Variants in ATXN7L1 observed in about 807,000 individuals in gnomAD.
The protein encoded by ATXN7L1 is ataxin-7-like protein 1.
ATXN7L1 carries 15 observed loss-of-function variants against 70.8 expected under a neutral mutation model. The observed-to-expected ratio is 0.21, with a 90% CI of 0.14 to 0.33. The LOEUF is 0.33. Among genes scored for constraint, ATXN7L1 ranks in the 10% least tolerant of loss-of-function variants. ATXN7L1 has a pLI of 1.00. For missense variants in ATXN7L1, 975 were observed against 1,097.1 expected (o/e 0.89, Z 1.57); for synonymous variants, 440 against 445.1 (o/e 0.99, Z 0.14).
At chr7:105,834,006 T>C (rs867351026) in intron 2 of ATXN7L1, among the ~76,000 whole-genome samples, 4 of 152,342 alleles carry the variant, frequency 2.6e-5, no homozygotes, top group Admixed American at 6.5e-5. Flanking sequence ...GAATATTTTA[T>C]GGTATTTTCC....
chr7:105,638,431 C>T lies in ATXN7L1; in HGVS notation c.1124G>A (p.Gly375Glu). The T allele has an allele frequency of 6.4e-7, 1 of 1,552,260 alleles. No homozygotes were observed. The highest frequency in any genetic ancestry group is 8.7e-7 in the Non-Finnish European group (1 of 1,147,138). Residue 375 changes from glycine (G) to glutamate (E), a missense_variant, in exon 7 of 12, where the codon GGG (glycine) becomes GAG (glutamate). Physicochemically the swap from Gly to Glu is moderately conservative, Grantham distance 98. Around this residue, in one of 5 missense-constraint regions of ATXN7L1, gnomAD observed 635 missense variants for 699.4 expected, o/e 0.91. Transcript: ENST00000419735. ...TTCTGGCCCAGAGCTCCCTGAAGAC[C>T]CTAGCAGAGAATCCTGTGCCGGCCC... Reference protein sequence around the residue: ...QSGPAQDSLLGSSGSSGPEPK... With the variant: ...QSGPAQDSLLESSGSSGPEPK...
intron 4 of ATXN7L1, among the ~76,000 whole-genome samples, chr7:105,646,019 A>AG (rs1798963081): frequency 1.3e-5 from 2 of 151,732 alleles, no homozygotes; most frequent in Admixed American, 6.6e-5. Flanking sequence ...AAAAAAAAAA[A>AG]AAGTGTCAGT....
chr7:105,813,624 A>G (rs1808763826), intron 2 of ATXN7L1, among the ~76,000 whole-genome samples: 1 of 152,196 alleles, frequency 6.6e-6, no homozygotes, highest in African/African-American at 2.4e-5. Flanking sequence ...GGCATGAGCC[A>G]CTGTGCTCGG....
chr7:105,847,033 G>A (rs772559805), intron 2 of ATXN7L1, among the ~76,000 whole-genome samples: 3 of 152,232 alleles, frequency 2.0e-5, no homozygotes, highest in Non-Finnish European at 4.4e-5. Context: ...GAATGAGATA[G>A]TGGTGTTGGT....
intron 8 of ATXN7L1, among the ~76,000 whole-genome samples, chr7:105,623,770 T>G (rs531184958): frequency 1.3e-5 from 2 of 152,362 alleles, no homozygotes; most frequent in African/African-American, 4.8e-5. Context: ...ACAGAAACAC[T>G]ATTTCTCACG....
intron 3 of ATXN7L1, among the ~76,000 whole-genome samples, chr7:105,673,047 C>T (rs1045056584): frequency 5.3e-5 from 8 of 152,220 alleles, no homozygotes; most frequent in Admixed American, 4.6e-4. Context: ...TCCTGGAGAT[C>T]AGCCAAGCAG....
At chr7:105,679,818 G>C (rs185376081) in intron 3 of ATXN7L1, among the ~76,000 whole-genome samples, 1 of 151,978 alleles carries the variant, frequency 6.6e-6, no homozygotes, top group African/African-American at 2.4e-5. Flanking sequence ...ATGGGCACAG[G>C]GTCTTCTTTA....
intron 2 of ATXN7L1, among the ~76,000 whole-genome samples, chr7:105,828,687 T>A (rs1361597532): frequency 6.6e-6 from 1 of 152,158 alleles, no homozygotes; most frequent in African/African-American, 2.4e-5. Flanking sequence ...AAACCATTAT[T>A]ATTCTCATTT....
intron 8 of ATXN7L1, among the ~76,000 whole-genome samples, chr7:105,623,549 C>T (rs1795236780): frequency 6.6e-6 from 1 of 152,224 alleles, no homozygotes; most frequent in South Asian, 2.1e-4. Context: ...AATGCTTCCT[C>T]TTTCCTTCAA....
At chr7:105,800,320 G>A (rs972783069) in intron 2 of ATXN7L1, among the ~76,000 whole-genome samples, 3 of 152,142 alleles carry the variant, frequency 2.0e-5, no homozygotes, top group African/African-American at 4.8e-5. Flanking sequence ...GCCCATCCCC[G>A]ACTCTTCCCT....
intron 2 of ATXN7L1, among the ~76,000 whole-genome samples, chr7:105,862,712 G>A (rs1374901990): frequency 6.6e-6 from 1 of 152,182 alleles, no homozygotes; most frequent in Non-Finnish European, 1.5e-5. Context: ...TGAAACCACT[G>A]AGAGAGAGAC....
chr7:105,782,481 G>A (rs550766120), intron 3 of ATXN7L1, among the ~76,000 whole-genome samples: 6 of 152,308 alleles, frequency 3.9e-5, no homozygotes, highest in African/African-American at 1.2e-4. Context: ...GACACAGAAC[G>A]TGGCTCCAAG....
At chr7:105,808,800 C>T (rs1045099391) in intron 2 of ATXN7L1, among the ~76,000 whole-genome samples, 2 of 152,160 alleles carry the variant, frequency 1.3e-5, no homozygotes, top group African/African-American at 4.8e-5. Flanking sequence ...CCTGGCACCA[C>T]CCACCATTTT....
At chr7:105,733,878 CCA>C (rs1797061086) in intron 3 of ATXN7L1, among the ~76,000 whole-genome samples, 2 of 137,002 alleles carry the variant, frequency 1.5e-5, no homozygotes, top group African/African-American at 5.3e-5. Context: ...ATCCATCCAT[CCA>C]TCATCCATCA....
At chr7:105,810,814 G>A (rs1808327431) in intron 2 of ATXN7L1, among the ~76,000 whole-genome samples, 1 of 152,242 alleles carries the variant, frequency 6.6e-6, no homozygotes. Flanking sequence ...GGAGTGACAT[G>A]AACTGATACT....
At chr7:105,791,103 AAGGGGTGAGGCCCCC>A (rs1805163165) in intron 2 of ATXN7L1, among the ~76,000 whole-genome samples, 1 of 152,224 alleles carries the variant, frequency 6.6e-6, no homozygotes, top group Admixed American at 6.5e-5. Flanking sequence ...TATCATAGGC[AAGGGGTGAGGCCCCC>A]ACTTGCCCTG....
chr7:105,842,799 C>T (rs1304165717), intron 2 of ATXN7L1, among the ~76,000 whole-genome samples: 1 of 152,220 alleles, frequency 6.6e-6, no homozygotes. Flanking sequence ...TGCCATTTTA[C>T]ATTCCCAACA....
At chr7:105,763,398 A>T (rs1423926643) in intron 3 of ATXN7L1, among the ~76,000 whole-genome samples, 1 of 151,710 alleles carries the variant, frequency 6.6e-6, no homozygotes, top group African/African-American at 2.4e-5. Flanking sequence ...TTGCAATTCC[A>T]CTCTTGCCTG....
chr7:105,826,054 C>T (rs1300095163), intron 2 of ATXN7L1, among the ~76,000 whole-genome samples: 1 of 152,000 alleles, frequency 6.6e-6, no homozygotes, highest in Non-Finnish European at 1.5e-5. Flanking sequence ...CATATATATA[C>T]CCTTTATAGA....
Sources: allele counts gnomAD v4.1 joint callset (sites outside exome capture counted in the v4.1 genomes callset), GRCh38; gene constraint gnomAD v4.1.1; regional missense constraint gnomAD v4.1.1; transcripts MANE v1.5; gene names NCBI Gene and HGNC (gene_info 2026-07-23, HGNC 2026-07-21).